AGBL2: variants seen among roughly 807,000 people sequenced by gnomAD.
AGBL2 encodes cytosolic carboxypeptidase 2.
A neutral mutation model predicts 103.0 loss-of-function variants in AGBL2; 87 were observed. The observed-to-expected ratio is 0.84, with a 90% confidence interval of 0.71 to 1.01. The LOEUF (loss-of-function observed/expected upper bound fraction) is 1.01, where lower values mean the gene tolerates loss of function less well. AGBL2 is among the 50% of genes least tolerant of loss of function. The pLI, the probability that AGBL2 is intolerant of heterozygous loss-of-function variation, is 0.00. For missense variants in AGBL2, 904 were observed against 1,023.5 expected (o/e 0.88, Z 1.59); for synonymous variants, 335 against 356.7 (o/e 0.94, Z 0.69).
At chr11:47,701,300 C>G (rs1458803495) in intron 7 of AGBL2, among the ~76,000 whole-genome samples, 1 of 151,250 alleles carries the variant, frequency 6.6e-6, no homozygotes. Context: ...GAAACCCCGT[C>G]TCTACTAAAA....
Position 47,698,844 on chromosome 11 carries a change from C to G in AGBL2, c.694+602G>C, listed in dbSNP as rs1282410777. Among the ~76,000 whole-genome samples, 6 of 151,500 alleles carry G rather than the reference C, an allele frequency of 4.0e-5. No individual in the cohort carries two copies. In the East Asian group the frequency reaches 9.7e-4, roughly 24 times the overall value. ...AATTTTATTATGGTCAGAGAATGTACTTTGTATTATTTTAATCCTTTTACA... is the reference window on the plus strand; with the variant it reads ...AATTTTATTATGGTCAGAGAATGTAGTTTGTATTATTTTAATCCTTTTACA... On this transcript the variant is annotated intron_variant, in intron 8 of 18. Transcript: ENST00000525123.
At chr11:47,702,703 G>A (rs1213208175) in intron 7 of AGBL2, among the ~76,000 whole-genome samples, 4 of 151,940 alleles carry the variant, frequency 2.6e-5, no homozygotes, top group African/African-American at 9.7e-5. Flanking sequence ...GTGAAACCCC[G>A]TCTGTACTAA....
At chr11:47,681,434 A>C (rs544584385) in intron 12 of AGBL2, among the ~76,000 whole-genome samples, 1 of 152,342 alleles carries the variant, frequency 6.6e-6, no homozygotes, top group African/African-American at 2.4e-5. Context: ...GCTGAAATTC[A>C]ACCCCCTATC....
intron 3 of AGBL2, chr11:47,714,037 C>T (rs894250624): frequency 4.2e-5 from 20 of 472,760 alleles, no homozygotes; most frequent in Admixed American, 6.7e-5. Context: ...TAAAGGATAG[C>T]CAAACAGACC....
intron 3 of AGBL2, among the ~76,000 whole-genome samples, chr11:47,713,037 C>T (rs572486710): frequency 4.1e-5 from 6 of 146,498 alleles, no homozygotes; most frequent in African/African-American, 1.0e-4. Context: ...AGCATAACTC[C>T]GTCTCAAGAA....
rs1254813187 is a variant in AGBL2 at position 47,692,258 on chromosome 11, T to C, written c.695-2A>G. The C allele has an allele frequency of 1.2e-6, 2 of 1,613,280 alleles. No homozygotes were observed. The highest frequency in any genetic ancestry group is 1.7e-6 in the Non-Finnish European group (2 of 1,179,454). On this transcript the variant is annotated splice_acceptor_variant, in intron 8 of 18. Transcript: ENST00000525123. LOFTEE classifies it high-confidence loss of function. ...TAAAATAGGAACCTTCTATAGGCACTGCAGAGAAAAGATATATTTAGGCTA... is the reference window on the plus strand; with the variant it reads ...TAAAATAGGAACCTTCTATAGGCACCGCAGAGAAAAGATATATTTAGGCTA...
chr11:47,688,826 C>T (rs1248740851), intron 10 of AGBL2, among the ~76,000 whole-genome samples: 1 of 152,152 alleles, frequency 6.6e-6, no homozygotes, highest in Non-Finnish European at 1.5e-5. Context: ...ACCTCTGCCT[C>T]CCAGGTTCAA....
Position 47,690,526 on chromosome 11 carries a change from T to C in AGBL2, c.1181A>G (p.His394Arg), listed in dbSNP as rs762737589. The C allele has an allele frequency of 2.5e-6, 4 of 1,613,996 alleles. No homozygotes were observed. In the African/African-American group the frequency reaches 5.3e-5, roughly 22 times the overall value. The change falls in exon 10 of 19, where the codon CAC becomes CGC. Residue 394 changes from histidine to arginine, a missense_variant. Transcript: ENST00000525123. The part of the protein sequence containing the change: ...PYDQDTCFFA[H>R]FYPYTYTDLQ... ...ATCAGTGTATGTATATGGGTAGAAG[T>C]GTGCAAAGAAGCAAGTGTCCTGGTC...
chr11:47,694,874 C>A lies in AGBL2; in HGVS notation c.695-2618G>T, dbSNP rs189159554. Among the ~76,000 whole-genome samples, 13 of 152,256 alleles carry A rather than the reference C, an allele frequency of 8.5e-5. No individual in the cohort carries two copies. The East Asian group carries it at 1.9e-3, about 23-fold the overall frequency. ...AACAAAAATGGCACAACAGGCCAGG[C>A]GTGGTGGCTCATGCCTGTAATCCCA... On this transcript the variant is annotated intron_variant, in intron 8 of 18. Transcript: ENST00000525123.
chr11:47,673,977 A>T (rs2097365878), intron 14 of AGBL2, among the ~76,000 whole-genome samples: 1 of 151,492 alleles, frequency 6.6e-6, no homozygotes, highest in African/African-American at 2.4e-5. Flanking sequence ...CTGTAATCCC[A>T]GCTAATCGAG....
chr11:47,691,232 C>T (rs1436093103), intron 9 of AGBL2, among the ~76,000 whole-genome samples: 1 of 151,878 alleles, frequency 6.6e-6, no homozygotes, highest in African/African-American at 2.4e-5. Flanking sequence ...CCATTGCTCT[C>T]CAGCCTGAGC....
intron 14 of AGBL2, among the ~76,000 whole-genome samples, chr11:47,673,898 G>A (rs1157454849): frequency 6.6e-6 from 1 of 150,994 alleles, no homozygotes; most frequent in South Asian, 2.1e-4. Context: ...TCAGGAGTTC[G>A]TGACCAGCCT....
intron 9 of AGBL2, 118 bp downstream of exon 9, chr11:47,691,985 C>T (rs1599016923): frequency 2.3e-6 from 2 of 874,712 alleles, no homozygotes; most frequent in Non-Finnish European, 1.7e-6. Flanking sequence ...TTCTTCATAC[C>T]CATAACTATT....
At chr11:47,700,243 C>G (rs2097492857) in intron 7 of AGBL2, among the ~76,000 whole-genome samples, 1 of 152,082 alleles carries the variant, frequency 6.6e-6, no homozygotes, top group Non-Finnish European at 1.5e-5. Flanking sequence ...AGGTGTGAGC[C>G]ACTGTGCCTA....
At chr11:47,684,954 C>G (rs928640759) in intron 11 of AGBL2, among the ~76,000 whole-genome samples, 4 of 152,172 alleles carry the variant, frequency 2.6e-5, no homozygotes, top group Non-Finnish European at 5.9e-5. Flanking sequence ...CGCCTGTAAT[C>G]TCAGCACTTT....
At chr11:47,688,821 T>C (rs1030640251) in intron 10 of AGBL2, among the ~76,000 whole-genome samples, 1 of 152,094 alleles carries the variant, frequency 6.6e-6, no homozygotes, top group Non-Finnish European at 1.5e-5. Context: ...TTGCAACCTC[T>C]GCCTCCCAGG....
intron 6 of AGBL2, chr11:47,705,116 A>C (rs1229083677): frequency 6.4e-6 from 1 of 155,294 alleles, no homozygotes; most frequent in Non-Finnish European, 1.4e-5. Flanking sequence ...TTTTAGAAAA[A>C]ATTACATAAA....
Position 47,660,296 on chromosome 11 carries a change from G to A in AGBL2, c.2586C>T (p.Asn862=). 1.2e-6 allele frequency: 2 copies of A among 1,614,220 alleles called. No individual in the cohort carries two copies. Among genetic ancestry groups the A allele is most frequent in the Non-Finnish European group, 1.7e-6 (2 of 1,180,046 alleles). The change falls in exon 19 of 19, where the codon AAC becomes AAT. Residue 862 remains asparagine (N), a synonymous_variant. Coordinates refer to ENST00000525123, the MANE Select transcript of AGBL2 (RefSeq NM_024783.4). ...TVSCSPKRTI[N]SSQEPAPGMK... ...TACCTGGAGCTGGCTCTTGGCTGGA[G>A]TTTATGGTTCTCTTTGGAGAGCATG...
intron 15 of AGBL2, among the ~76,000 whole-genome samples, chr11:47,668,589 C>A (rs1039500899): frequency 1.3e-5 from 2 of 152,084 alleles, no homozygotes; most frequent in African/African-American, 4.8e-5. Context: ...TAATATCAGG[C>A]CCAGATATTA....
Sources: allele counts gnomAD v4.1 joint callset (sites outside exome capture counted in the v4.1 genomes callset), GRCh38; gene constraint gnomAD v4.1.1; transcripts MANE v1.5; gene names NCBI Gene and HGNC (gene_info 2026-07-23, HGNC 2026-07-21).